The following LRRC4C variants were observed in gnomAD, a reference collection of about 807,000 sequenced individuals.
The protein encoded by LRRC4C is leucine rich repeat containing 4C.
LRRC4C carries 5 observed loss-of-function variants against 33.6 expected under a neutral mutation model. That is an observed-to-expected ratio of 0.15 (90% CI 0.08 to 0.31). The LOEUF is 0.31. LRRC4C is among the 10% of genes least tolerant of loss of function. The probability of loss-of-function intolerance (pLI) is 1.00; values close to 1 mark genes in which losing one functional copy is unlikely to be tolerated. For synonymous variants in LRRC4C, 329 were observed against 302.0 expected, an observed-to-expected ratio of 1.09 and a Z score of -0.93; for missense variants, 560 against 796.7, an observed-to-expected ratio of 0.70 and a Z score of 3.58.
intron 3 of LRRC4C, among the ~76,000 whole-genome samples, chr11:40,453,089 A>G (rs1374754595): frequency 2.6e-5 from 4 of 151,996 alleles, no homozygotes; most frequent in Non-Finnish European, 5.9e-5. Context: ...TTAAATGACG[A>G]GTTAATGGGT....
intron 5 of LRRC4C, among the ~76,000 whole-genome samples, chr11:40,183,290 A>C (rs1861158703): frequency 6.6e-6 from 1 of 152,140 alleles, no homozygotes; most frequent in African/African-American, 2.4e-5. Context: ...TTGGACATTA[A>C]TTTCTTTCAT....
At position 41,108,622 on chromosome 11, in the gene LRRC4C, C is replaced by G. The variant is rs1167498876; in HGVS notation, c.-495-174899G>C. 2.0e-5 allele frequency among the ~76,000 whole-genome samples: 3 copies of G among 152,038 alleles called. No individual in the cohort carries two copies. The East Asian group carries it at 5.8e-4, about 29-fold the overall frequency. On this transcript the variant is annotated intron_variant, in intron 1 of 6. Transcript: ENST00000528697. The stretch of plus-strand genomic sequence containing the variant: ...CCATTAATTTGTATATTGTATGAAG[C>G]TGAAGGTAATAAAAAATGTCATCTT...
At chr11:41,443,617 C>A (rs151205414) in intron 1 of LRRC4C, among the ~76,000 whole-genome samples, 3 of 140,476 alleles carry the variant, frequency 2.1e-5, no homozygotes, top group African/African-American at 7.7e-5. Context: ...TTTTCTTCTT[C>A]TTCTTCTCCT....
At chr11:40,423,677 A>G (rs1950611170) in intron 3 of LRRC4C, among the ~76,000 whole-genome samples, 1 of 152,152 alleles carries the variant, frequency 6.6e-6, no homozygotes, top group African/African-American at 2.4e-5. Context: ...CTTCACACAG[A>G]TCATGTCCTC....
At chr11:40,676,861 C>T (rs994498541) in intron 2 of LRRC4C, among the ~76,000 whole-genome samples, 7 of 152,040 alleles carry the variant, frequency 4.6e-5, no homozygotes, top group Non-Finnish European at 8.8e-5. Context: ...AAAACATTCC[C>T]CAGTTTCTCG....
At chr11:41,117,634 A>G (rs1166288722) in intron 1 of LRRC4C, among the ~76,000 whole-genome samples, 1 of 152,180 alleles carries the variant, frequency 6.6e-6, no homozygotes, top group Non-Finnish European at 1.5e-5. Flanking sequence ...ATTTGATAGA[A>G]TAAAAAGTCT....
intron 2 of LRRC4C, among the ~76,000 whole-genome samples, chr11:40,827,837 T>C (rs1375068559): frequency 1.3e-5 from 2 of 151,836 alleles, no homozygotes; most frequent in East Asian, 3.9e-4. Context: ...ATCAAGTGAA[T>C]AAAGAAATAC....
intron 1 of LRRC4C, among the ~76,000 whole-genome samples, chr11:41,199,534 G>A (rs1055301711): frequency 2.6e-5 from 4 of 152,104 alleles, no homozygotes; most frequent in Non-Finnish European, 5.9e-5. Flanking sequence ...GTAGGCTATG[G>A]TAAAGAGTTT....
At chr11:40,966,538 T>C (rs1320232424) in intron 1 of LRRC4C, among the ~76,000 whole-genome samples, 1 of 151,980 alleles carries the variant, frequency 6.6e-6, no homozygotes, top group African/African-American at 2.4e-5. Flanking sequence ...CTTTTAGGAT[T>C]GTCACAGTTC....
chr11:40,865,614 A>AATAT (rs1237310516), intron 2 of LRRC4C, among the ~76,000 whole-genome samples: 1 of 151,588 alleles, frequency 6.6e-6, no homozygotes, highest in East Asian at 1.9e-4. Context: ...TTGTAATAAA[A>AATAT]ATATAAATAA....
intron 2 of LRRC4C, among the ~76,000 whole-genome samples, chr11:40,690,948 A>G (rs1234142517): frequency 6.6e-6 from 1 of 152,034 alleles, no homozygotes; most frequent in Non-Finnish European, 1.5e-5. Context: ...ACCAAGCAAG[A>G]AGCAGTGATG....
At chr11:41,289,222 T>C (rs927557289) in intron 1 of LRRC4C, among the ~76,000 whole-genome samples, 23 of 152,202 alleles carry the variant, frequency 1.5e-4, no homozygotes, top group Admixed American at 6.5e-5. Flanking sequence ...GTTAAACCAC[T>C]ATACATATAA....
intron 4 of LRRC4C, among the ~76,000 whole-genome samples, chr11:40,252,401 A>G (rs1866860716): frequency 1.3e-5 from 2 of 152,010 alleles, no homozygotes; most frequent in African/African-American, 4.8e-5. Context: ...CACGCAGAGT[A>G]CCCCACGAAA....
chr11:40,337,803 G>C (rs1946695217), intron 3 of LRRC4C, among the ~76,000 whole-genome samples: 1 of 152,082 alleles, frequency 6.6e-6, no homozygotes, highest in Non-Finnish European at 1.5e-5. Context: ...AGTGCCCATT[G>C]ATTATTTTTC....
intron 5 of LRRC4C, among the ~76,000 whole-genome samples, chr11:40,161,486 G>A (rs1196094939): frequency 1.2e-4 from 18 of 152,304 alleles, no homozygotes; most frequent in Admixed American, 9.1e-4. Flanking sequence ...GGGCACGGTC[G>A]CTCATGCCTG....
intron 3 of LRRC4C, among the ~76,000 whole-genome samples, chr11:40,620,928 G>A (rs534942520): frequency 3.3e-5 from 5 of 151,796 alleles, no homozygotes; most frequent in East Asian, 1.9e-4. Context: ...AGAATGCAGC[G>A]TCTAGAAGGA....
chr11:40,235,812 C>T (rs913436643), intron 5 of LRRC4C, among the ~76,000 whole-genome samples: 14 of 152,126 alleles, frequency 9.2e-5, no homozygotes, highest in African/African-American at 3.4e-4. Context: ...GTGATACAAT[C>T]TTCAACCCAA....
rs565786623 is a variant in LRRC4C, at chr11:40,797,772, T to C, written c.-407+135863A>G. Among the ~76,000 whole-genome samples, 29 of 152,304 alleles carry C rather than the reference T, an allele frequency of 1.9e-4. 2 individuals are homozygous for C. In the South Asian group the frequency reaches 6.0e-3, roughly 32 times the overall value. ...AAAATTTTGTAGATGGATTGCCATT[T>C]AACTTGACCACAAAGATAAATGTGT... On this transcript the variant is annotated intron_variant, in intron 2 of 6. Transcript: ENST00000528697.
intron 3 of LRRC4C, among the ~76,000 whole-genome samples, chr11:40,564,655 G>A (rs1340779084): frequency 1.3e-5 from 2 of 152,148 alleles, no homozygotes; most frequent in African/African-American, 4.8e-5. Flanking sequence ...CCTACTGAGG[G>A]ACTAATTGCT....
Sources: allele counts gnomAD v4.1 joint callset (sites outside exome capture counted in the v4.1 genomes callset), GRCh38; gene constraint gnomAD v4.1.1; transcripts MANE v1.5; gene names NCBI Gene and HGNC (gene_info 2026-07-23, HGNC 2026-07-21).